The following BACH2 variants were observed in gnomAD, a reference collection of about 807,000 sequenced individuals.
BACH2 encodes BACH transcriptional regulator 2.
In BACH2, 5 loss-of-function variants were observed where a neutral mutation model predicts 61.8. That is an observed-to-expected ratio of 0.08 (90% CI 0.04 to 0.17). The LOEUF is 0.17. Ranked by LOEUF, BACH2 falls within the 10% of genes least tolerant of loss-of-function variation. The pLI is 1.00. For missense variants in BACH2, 824 were observed against 1,091.1 expected, an observed-to-expected ratio of 0.76 and a Z score of 3.45; for synonymous variants, 446 against 440.1, an observed-to-expected ratio of 1.01 and a Z score of -0.17.
At chr6:90,170,674 G>A (rs10944479) in intron 4 of BACH2, among the ~76,000 whole-genome samples, 18,675 of 152,174 alleles carry the variant, frequency 0.12, 1,548 homozygotes, top group Non-Finnish European at 0.18. Context: ...TGACTGTAGT[G>A]AAATCCATGA....
At chr6:90,145,577 T>C (rs907012921) in intron 4 of BACH2, among the ~76,000 whole-genome samples, 6 of 152,192 alleles carry the variant, frequency 3.9e-5, no homozygotes, top group Non-Finnish European at 7.3e-5. Context: ...GATGGAAAAA[T>C]GCTTGACAAG....
intron 5 of BACH2, among the ~76,000 whole-genome samples, chr6:90,011,414 T>C (rs1298167001): frequency 6.6e-6 from 1 of 152,226 alleles, no homozygotes; most frequent in Non-Finnish European, 1.5e-5. Context: ...GTTTGTCTAC[T>C]TTTGTTTTTT....
rs1318848046 is a variant in BACH2, at chr6:89,927,218, T to C, written c.*5190A>G. The C allele has an allele frequency of 6.5e-6, 1 of 152,798 alleles. No individual in the cohort carries two copies. Among genetic ancestry groups the C allele is most frequent in the Non-Finnish European group, 1.5e-5 (1 of 68,040 alleles). 9.5% of individuals were successfully genotyped at this position (152,798 alleles called of 1,614,324 possible). A position where few individuals can be genotyped will look rare whatever the true frequency, so the allele number is the denominator to read the frequency against. ...CAAGCACCTGAAGCTCCCAAATGCA[T>C]ATGGAATCTTCCTGATCACTCACTA... On this transcript the variant is annotated 3_prime_UTR_variant, in exon 9 of 9. Coordinates refer to ENST00000257749, the MANE Select transcript of BACH2 (RefSeq NM_021813.4).
intron 5 of BACH2, among the ~76,000 whole-genome samples, chr6:90,084,778 G>T (rs918542672): frequency 1.3e-5 from 2 of 152,022 alleles, no homozygotes; most frequent in Admixed American, 6.6e-5. Flanking sequence ...TAATGGTTCT[G>T]CTATAGGGCC....
intron 1 of BACH2, among the ~76,000 whole-genome samples, chr6:90,283,848 G>A (rs9294458): frequency 0.68 from 103,664 of 151,526 alleles, 36,913 homozygotes; most frequent in African/African-American, 0.89. Flanking sequence ...TCTCTACTAA[G>A]ATTACAAAAA....
At chr6:89,998,222 A>T (rs552804197) in intron 6 of BACH2, among the ~76,000 whole-genome samples, 66 of 151,948 alleles carry the variant, frequency 4.3e-4, no homozygotes, top group African/African-American at 1.5e-3. Flanking sequence ...AACAGCTGCC[A>T]GTATTTCTCT....
chr6:89,998,987 T>G (rs1424792086), intron 6 of BACH2, among the ~76,000 whole-genome samples: 1 of 152,202 alleles, frequency 6.6e-6, no homozygotes, highest in Non-Finnish European at 1.5e-5. Flanking sequence ...ATTGATATCC[T>G]CAGATTTGTG....
At chr6:90,060,036 T>A (rs1318612655) in intron 5 of BACH2, among the ~76,000 whole-genome samples, 2 of 149,218 alleles carry the variant, frequency 1.3e-5, no homozygotes, top group Admixed American at 1.3e-4. Flanking sequence ...AATGACGAGT[T>A]AATGGGTGCA....
At chr6:90,109,631 T>C (rs1212753900) in intron 4 of BACH2, among the ~76,000 whole-genome samples, 1 of 152,184 alleles carries the variant, frequency 6.6e-6, no homozygotes, top group Non-Finnish European at 1.5e-5. Flanking sequence ...AAGTATAACA[T>C]GGCCAAAAAA....
intron 3 of BACH2, among the ~76,000 whole-genome samples, chr6:90,224,081 T>C (rs1365258987): frequency 2.0e-5 from 3 of 152,224 alleles, no homozygotes. Context: ...TAAGGCACAG[T>C]TGTATTGGAA....
chr6:90,004,322 A>G (rs1397341516), intron 6 of BACH2, among the ~76,000 whole-genome samples: 1 of 152,216 alleles, frequency 6.6e-6, no homozygotes, highest in Non-Finnish European at 1.5e-5. Flanking sequence ...AGCAAAAGAT[A>G]GTGAGCACAA....
rs765643855 is a variant in BACH2 at position 89,950,784 on chromosome 6, A to G, written c.1322T>C (p.Val441Ala). The G allele has an allele frequency of 5.0e-6, 8 of 1,614,112 alleles. 1 individual carries two copies. The South Asian group carries it at 7.7e-5, about 16-fold the overall frequency. The part of the protein sequence containing the change: ...VIFSSSACDQ[V>A]STSVHSYSGV... ...AGAATAAGAATGCACCGAGGTGCTC[A>G]CTTGGTCACAAGCGCTGGAGGAGAA... Residue 441 changes from valine to alanine, a missense_variant, in exon 7 of 9, where the codon GTG becomes GCG. Physicochemically the swap from Val to Ala is moderately conservative, Grantham distance 64 (BLOSUM62 0). Around this residue, in one of 8 missense-constraint regions of BACH2, gnomAD observed 102 missense variants for 98.1 expected, o/e 1.04. Coordinates refer to ENST00000257749, the MANE Select transcript of BACH2 (RefSeq NM_021813.4). The surrounding 1 kb of genome is among the most constrained non-coding windows in gnomAD (Gnocchi z 5.3).
rs142778423 is a variant in BACH2 at position 90,275,701 on chromosome 6, C to T, written c.-445-3760G>A. Among the ~76,000 whole-genome samples, 270 of 152,024 alleles carry T rather than the reference C, an allele frequency of 1.8e-3. 1 individual carries two copies. Among genetic ancestry groups the T allele is most frequent in the African/African-American group, 5.9e-3 (246 of 41,484 alleles). On this transcript the variant is annotated intron_variant, in intron 1 of 8. Transcript: ENST00000257749. ...CCCAGTGCCTGTTGTTCTGGATGGG[C>T]GTAGCGGCTCACGCCTGTAATCCCA... is the stretch of plus-strand genomic sequence containing the variant.
chr6:89,949,186 CACAGATGGGT>C (rs1396697132), intron 7 of BACH2, among the ~76,000 whole-genome samples: 2 of 152,296 alleles, frequency 1.3e-5, no homozygotes, highest in African/African-American at 4.8e-5. Context: ...ATCCAGAGAG[CACAGATGGGT>C]ACCAAGGTTG....
chr6:89,975,604 T>G (rs961165979), intron 6 of BACH2, among the ~76,000 whole-genome samples: 3 of 152,252 alleles, frequency 2.0e-5, no homozygotes, highest in Non-Finnish European at 4.4e-5. Flanking sequence ...GGTAATGTAC[T>G]TCTTCCTTTA....
chr6:89,971,876 G>A (rs1403360157), intron 6 of BACH2, among the ~76,000 whole-genome samples: 1 of 152,142 alleles, frequency 6.6e-6, no homozygotes, highest in East Asian at 1.9e-4. Context: ...ACAACACATG[G>A]GAATTATGGG....
At chr6:90,054,660 C>T (rs563238780) in intron 5 of BACH2, among the ~76,000 whole-genome samples, 3 of 152,330 alleles carry the variant, frequency 2.0e-5, no homozygotes, top group South Asian at 4.1e-4. Flanking sequence ...GATCTGAGAA[C>T]GGGCATACTG....
chr6:90,247,076 A>C (rs1770659622), intron 3 of BACH2, among the ~76,000 whole-genome samples: 1 of 152,242 alleles, frequency 6.6e-6, no homozygotes, highest in African/African-American at 2.4e-5. Context: ...AAAAAGACAA[A>C]GCTAAAGACC....
chr6:90,138,258 T>C (rs1784346325), intron 4 of BACH2, among the ~76,000 whole-genome samples: 1 of 152,166 alleles, frequency 6.6e-6, no homozygotes, highest in African/African-American at 2.4e-5. Flanking sequence ...ATCCCAGCAC[T>C]TTGGGAGGTC....
Sources: allele counts gnomAD v4.1 joint callset (sites outside exome capture counted in the v4.1 genomes callset), GRCh38; gene constraint gnomAD v4.1.1; regional missense constraint gnomAD v4.1.1; non-coding constraint Gnocchi (gnomAD v3.1); transcripts MANE v1.5; gene names NCBI Gene and HGNC (gene_info 2026-07-23, HGNC 2026-07-21).